Variants in ADAMTS18 observed in about 807,000 individuals in gnomAD.
ADAMTS18 encodes A disintegrin and metalloproteinase with thrombospondin motifs 18.
Under a neutral mutation model 165.9 loss-of-function variants are expected in ADAMTS18, and 157 were observed. That is an observed-to-expected ratio of 0.95 (90% CI 0.83 to 1.08). ADAMTS18 has a LOEUF of 1.08. Ranked by LOEUF, ADAMTS18 falls within the 50% of genes least tolerant of loss-of-function variation. ADAMTS18 has a pLI of 0.00. For synonymous variants in ADAMTS18, 782 were observed against 578.2 expected (o/e 1.35, Z -5.06); for missense variants, 2,040 against 1,534.0 (o/e 1.33, Z -5.51).
intron 13 of ADAMTS18, among the ~76,000 whole-genome samples, chr16:77,323,874 C>G (rs1401426193): frequency 6.6e-6 from 1 of 152,140 alleles, no homozygotes; most frequent in African/African-American, 2.4e-5. Context: ...CTGCATCTAG[C>G]AAAGTGTCTC....
chr16:77,302,004 C>CTTTTT (rs4038557), intron 16 of ADAMTS18, among the ~76,000 whole-genome samples: 3 of 128,816 alleles, frequency 2.3e-5, no homozygotes, highest in African/African-American at 5.9e-5. Context: ...CTAGTCTTTG[C>CTTTTT]TTTTTTTTTT....
intron 16 of ADAMTS18, among the ~76,000 whole-genome samples, chr16:77,301,783 A>C (rs553946330): frequency 2.0e-3 from 301 of 151,256 alleles, no homozygotes; most frequent in Non-Finnish European, 3.7e-3. Flanking sequence ...CATGGTGTAC[A>C]CATCAGTTTG....
chr16:77,407,903 G>A (rs948822518), intron 3 of ADAMTS18, among the ~76,000 whole-genome samples: 5 of 152,122 alleles, frequency 3.3e-5, no homozygotes, highest in Admixed American at 2.6e-4. Flanking sequence ...GGAAGCCAGA[G>A]ACTGATAAAT....
intron 18 of ADAMTS18, among the ~76,000 whole-genome samples, chr16:77,296,526 G>A (rs17713035): frequency 0.11 from 16,399 of 152,206 alleles, 1,220 homozygotes; most frequent in Admixed American, 0.22. Flanking sequence ...TCCATTCAGA[G>A]AAGAGGAATC....
At position 77,420,908 on chromosome 16, in the gene ADAMTS18, T is replaced by C. The variant is rs537213518; in HGVS notation, c.495+10387A>G. On this transcript the variant is annotated intron_variant, in intron 3 of 22. Coordinates refer to ENST00000282849, the MANE Select transcript of ADAMTS18 (RefSeq NM_199355.4). Reference sequence around the variant, plus strand: ...AATAGAAAAAGGAGATGAGGAATTGTAAAATCACAGGGTGAACCCATAGAC... The same window carrying C: ...AATAGAAAAAGGAGATGAGGAATTGCAAAATCACAGGGTGAACCCATAGAC... Among the ~76,000 whole-genome samples, 42 of 152,272 alleles carry C rather than the reference T, an allele frequency of 2.8e-4. 1 individual carries two copies. Among genetic ancestry groups the C allele is most frequent in the South Asian group, 1.0e-3 (5 of 4,832 alleles).
rs2055179004 is a variant in ADAMTS18 at position 77,283,034 on chromosome 16, T to A, written c.*922A>T. 6.6e-6 allele frequency: 1 copy of A among 151,550 alleles called. No individual in the cohort carries two copies. The highest frequency in any genetic ancestry group is 6.6e-5 in the Admixed American group (1 of 15,178). 9.4% of individuals were successfully genotyped at this position (151,550 alleles called of 1,614,324 possible). A position where few individuals can be genotyped will look rare whatever the true frequency, so the allele number is the denominator to read the frequency against. On this transcript the variant is annotated 3_prime_UTR_variant, in exon 23 of 23. Coordinates refer to ENST00000282849, the MANE Select transcript of ADAMTS18 (RefSeq NM_199355.4). ...CTCTGGTAGTATGTACAGAGCATTA[T>A]AAATGATGGTCCTTTCTCCCTCAAA... is the stretch of plus-strand genomic sequence containing the variant.
intron 3 of ADAMTS18, among the ~76,000 whole-genome samples, chr16:77,401,882 C>T (rs572259457): frequency 3.2e-4 from 48 of 152,344 alleles, no homozygotes; most frequent in Admixed American, 9.8e-4. Context: ...GGTTCTTGGA[C>T]TTCTGTAGTT....
In ADAMTS18 at chr16:77,344,898, A is replaced by G. The variant is rs190131891; in HGVS notation, c.1615-3099T>C. ...CCTTGAGAAGGCTCCCTTTCAAAGGAAACGCAAATCAGAGTTTGCACTTTT... is the reference window on the plus strand; with the variant it reads ...CCTTGAGAAGGCTCCCTTTCAAAGGGAACGCAAATCAGAGTTTGCACTTTT... On this transcript the variant is annotated intron_variant, in intron 10 of 22. Transcript: ENST00000282849. Among the ~76,000 whole-genome samples, 153 of 152,304 alleles carry G rather than the reference A, an allele frequency of 1.0e-3. 2 individuals are homozygous for G. Among genetic ancestry groups the G allele is most frequent in the African/African-American group, 3.5e-3 (145 of 41,570 alleles).
intron 3 of ADAMTS18, among the ~76,000 whole-genome samples, chr16:77,425,997 G>A (rs1237010377): frequency 6.6e-6 from 1 of 152,012 alleles, no homozygotes; most frequent in Non-Finnish European, 1.5e-5. Context: ...AGTGGGCCGA[G>A]ATCGCTGCAC....
At position 77,431,454 on chromosome 16, in the gene ADAMTS18, A is replaced by G. The variant is rs777511322; in HGVS notation, c.336T>C (p.Leu112=). 1 of 1,614,198 alleles carries G rather than the reference A, an allele frequency of 6.2e-7. No individual in the cohort carries two copies. The highest frequency in any genetic ancestry group is 1.1e-5 in the South Asian group (1 of 91,086). ...SAFGQELHLE[L]KPSAILSSHF... ...GACTGCTCAAAATCGCCGAGGGCTTAAGTTCTAAGTGCAGTTCCTGTCCAA... is the reference window on the plus strand; with the variant it reads ...GACTGCTCAAAATCGCCGAGGGCTTGAGTTCTAAGTGCAGTTCCTGTCCAA... Residue 112 remains leucine (L), a synonymous_variant, in exon 3 of 23, where the codon CTT becomes CTC. Transcript: ENST00000282849.
At chr16:77,409,898 T>A (rs901172139) in intron 3 of ADAMTS18, among the ~76,000 whole-genome samples, 8 of 152,180 alleles carry the variant, frequency 5.3e-5, no homozygotes, top group Non-Finnish European at 1.0e-4. Flanking sequence ...TATTCGGTGA[T>A]TCCATACCTC....
chr16:77,341,172 T>G (rs2056391733), intron 11 of ADAMTS18, among the ~76,000 whole-genome samples: 1 of 152,200 alleles, frequency 6.6e-6, no homozygotes, highest in Non-Finnish European at 1.5e-5. Context: ...GGTGGTTCTC[T>G]GGGTAGGAGA....
At chr16:77,353,604 C>A in intron 10 of ADAMTS18, 129 bp downstream of exon 10, 1 of 1,279,450 alleles carries the variant, frequency 7.8e-7, no homozygotes, top group South Asian at 1.2e-5. Flanking sequence ...TCATGCCAAA[C>A]AACTGACACG....
intron 17 of ADAMTS18, among the ~76,000 whole-genome samples, chr16:77,298,553 A>G (rs961370237): frequency 4.6e-5 from 7 of 152,082 alleles, no homozygotes; most frequent in African/African-American, 1.4e-4. Flanking sequence ...GCACTTTGGG[A>G]GGTCAAGGAA....
chr16:77,381,345 CTT>C, intron 3 of ADAMTS18, among the ~76,000 whole-genome samples: 1 of 152,320 alleles, frequency 6.6e-6, no homozygotes, highest in Non-Finnish European at 1.5e-5. Flanking sequence ...AGGTATGACT[CTT>C]TAACAACAAA....
chr16:77,284,217 C>G (rs919143491), intron 22 of ADAMTS18, 146 bp from the exon 23 acceptor site: 9 of 619,428 alleles, frequency 1.5e-5, no homozygotes, highest in Non-Finnish European at 2.6e-5. Context: ...TCTCTGCTGC[C>G]CAGGTTCAAA....
chr16:77,349,883 C>T (rs166673), intron 10 of ADAMTS18, among the ~76,000 whole-genome samples: 61,689 of 152,042 alleles, frequency 0.41, 13,073 homozygotes, highest in African/African-American at 0.48. Flanking sequence ...GATTTCTACT[C>T]AGCTTCAAAC....
At chr16:77,400,055 C>T (rs1170920830) in intron 3 of ADAMTS18, among the ~76,000 whole-genome samples, 1 of 152,146 alleles carries the variant, frequency 6.6e-6, no homozygotes, top group African/African-American at 2.4e-5. Flanking sequence ...CGCCCCATAG[C>T]CAGATATCTC....
rs549942617 is a variant in ADAMTS18 at position 77,376,809 on chromosome 16, C to CTTTTT, written c.496-9091_496-9087dup. ...TTAGATTTCAAGGGCCTAAATCATT[C>CTTTTT]TTTTTTTTTTTTTTTTTTTTTTTGA... On this transcript the variant is annotated intron_variant, in intron 3 of 22. Transcript: ENST00000282849. Among the ~76,000 whole-genome samples the CTTTTT allele has an allele frequency of 2.1e-3, 222 of 103,428 alleles. 1 individual carries two copies. Among genetic ancestry groups the CTTTTT allele is most frequent in the Non-Finnish European group, 2.8e-3 (149 of 53,758 alleles). The allele number at this position is 103,428 out of a possible 152,430, so 67.9% of individuals were successfully genotyped here. A position where few individuals can be genotyped will look rare whatever the true frequency, so the allele number is the denominator to read the frequency against.
Sources: allele counts gnomAD v4.1 joint callset (sites outside exome capture counted in the v4.1 genomes callset), GRCh38; gene constraint gnomAD v4.1.1; transcripts MANE v1.5; gene names NCBI Gene and HGNC (gene_info 2026-07-23, HGNC 2026-07-21).